The following NEK1 variants were observed in gnomAD, a reference collection of about 807,000 sequenced individuals.
NEK1 encodes the protein serine/threonine-protein kinase Nek1.
NEK1 carries 137 observed loss-of-function variants against 182.1 expected under a neutral mutation model. The ratio of observed to expected loss-of-function variants is 0.75; its 90% CI spans 0.65 to 0.87. The LOEUF (loss-of-function observed/expected upper bound fraction) is 0.87. Ranked by LOEUF, NEK1 falls within the 40% of genes least tolerant of loss-of-function variation. The probability of loss-of-function intolerance (pLI) is 0.00; values close to 1 mark genes in which losing one functional copy is unlikely to be tolerated. For missense variants in NEK1, 1,391 were observed against 1,494.4 expected (o/e 0.93, Z 1.14); for synonymous variants, 513 against 492.2 (o/e 1.04, Z -0.56).
intron 27 of NEK1, among the ~76,000 whole-genome samples, chr4:169,442,465 T>C (rs1471001846): frequency 3.9e-5 from 6 of 151,956 alleles, no homozygotes; most frequent in African/African-American, 1.5e-4. Flanking sequence ...CGAAAGTCAA[T>C]CCGTAAAATC....
intron 18 of NEK1, among the ~76,000 whole-genome samples, chr4:169,548,768 T>C (rs1025720134): frequency 3.3e-5 from 5 of 152,338 alleles, no homozygotes; most frequent in Admixed American, 6.5e-5. Flanking sequence ...GTTTACACCA[T>C]GAGGGTAAAA....
chr4:169,599,086 A>G lies in NEK1; in HGVS notation c.312+14T>C. ...ATAATAGAGTAAGAGTCAATTTCCTAAATGCAAACTTACCTGATCCTCTTG... is the reference window on the plus strand; with the variant it reads ...ATAATAGAGTAAGAGTCAATTTCCTGAATGCAAACTTACCTGATCCTCTTG... On this transcript the variant is annotated intron_variant, in intron 5 of 35. Transcript: ENST00000507142. 3 of 1,603,900 alleles carry G rather than the reference A, an allele frequency of 1.9e-6. No individual in the cohort carries two copies. The highest frequency in any genetic ancestry group is 2.6e-6 in the Non-Finnish European group (3 of 1,172,162).
chr4:169,560,833 A>C (rs1163891719), intron 16 of NEK1, among the ~76,000 whole-genome samples: 1 of 151,974 alleles, frequency 6.6e-6, no homozygotes, highest in African/African-American at 2.4e-5. Flanking sequence ...AAAGTTCAGT[A>C]ATGTGCCCAA....
intron 31 of NEK1, among the ~76,000 whole-genome samples, chr4:169,418,897 A>G (rs1271975239): frequency 6.6e-6 from 1 of 152,158 alleles, no homozygotes; most frequent in African/African-American, 2.4e-5. Flanking sequence ...AAGATCAATG[A>G]ACCCCAAAAC....
chr4:169,541,556 T>C (rs137961235), intron 18 of NEK1, among the ~76,000 whole-genome samples: 161 of 152,240 alleles, frequency 1.1e-3, no homozygotes, highest in African/African-American at 3.8e-3. Flanking sequence ...GAAAGAGTCT[T>C]AGATGCCTAC....
intron 12 of NEK1, among the ~76,000 whole-genome samples, chr4:169,573,623 T>C (rs1053299190): frequency 6.6e-6 from 1 of 151,514 alleles, no homozygotes; most frequent in Non-Finnish European, 1.5e-5. Context: ...GTAAGGAAAA[T>C]AGAAACAAAG....
intron 23 of NEK1, among the ~76,000 whole-genome samples, chr4:169,505,593 G>C (rs1753114808): frequency 6.6e-6 from 1 of 152,226 alleles, no homozygotes; most frequent in African/African-American, 2.4e-5. Context: ...ATTTTTGACT[G>C]TGCAAGGGGC....
At chr4:169,500,542 C>T (rs948163771) in intron 23 of NEK1, among the ~76,000 whole-genome samples, 3 of 152,046 alleles carry the variant, frequency 2.0e-5, no homozygotes, top group African/African-American at 7.2e-5. Context: ...ATCTTGGCTC[C>T]TCCTCCAACA....
chr4:169,555,637 C>T, intron 18 of NEK1, 83 bp downstream of exon 18: 1 of 1,546,484 alleles, frequency 6.5e-7, no homozygotes, highest in East Asian at 2.2e-5. Context: ...GAGAAAACAT[C>T]CACAAAGTGT....
At chr4:169,413,198 C>T (rs1045524186) in intron 31 of NEK1, among the ~76,000 whole-genome samples, 3 of 150,270 alleles carry the variant, frequency 2.0e-5, no homozygotes, top group Non-Finnish European at 4.4e-5. Context: ...GACAGGGTCA[C>T]GCTCTGTCAT....
At chr4:169,471,919 A>G (rs11732280) in intron 26 of NEK1, among the ~76,000 whole-genome samples, 43,906 of 151,970 alleles carry the variant, frequency 0.29, 8,960 homozygotes, top group African/African-American at 0.59. Flanking sequence ...ACTTTCTGTC[A>G]GCTTTGTTTA....
chr4:169,482,006 G>A (rs1405035330), intron 23 of NEK1, among the ~76,000 whole-genome samples: 1 of 152,196 alleles, frequency 6.6e-6, no homozygotes, highest in Non-Finnish European at 1.5e-5. Context: ...TATATCTCCT[G>A]GATAATGTAC....
intron 7 of NEK1, 49 bp downstream of exon 7, chr4:169,589,398 A>C: frequency 3.0e-6 from 3 of 1,010,190 alleles, no homozygotes; most frequent in Non-Finnish European, 4.5e-6. Context: ...CATGGATTGA[A>C]GGTTCGCTGA....
At chr4:169,413,163 T>C (rs567498587) in intron 31 of NEK1, among the ~76,000 whole-genome samples, 178 of 109,116 alleles carry the variant, frequency 1.6e-3, no homozygotes, top group Middle Eastern at 5.5e-3. Flanking sequence ...ATTTAAATAG[T>C]ACAGCTAATT....
chr4:169,572,297 A>G (rs564677193), intron 12 of NEK1, among the ~76,000 whole-genome samples: 1 of 152,216 alleles, frequency 6.6e-6, no homozygotes, highest in Non-Finnish European at 1.5e-5. Context: ...TGAAGTCACA[A>G]TTGACAGGAT....
intron 16 of NEK1, among the ~76,000 whole-genome samples, chr4:169,559,838 C>T (rs1387050140): frequency 1.3e-5 from 2 of 152,002 alleles, no homozygotes; most frequent in Non-Finnish European, 2.9e-5. Context: ...GCAGAAACCC[C>T]GTCTCTACTA....
chr4:169,554,223 G>C (rs1286352518), intron 18 of NEK1: 1 of 152,338 alleles, frequency 6.6e-6, no homozygotes, highest in Non-Finnish European at 1.5e-5. Flanking sequence ...TTCAAGACCA[G>C]CCTGGGCAAC....
chr4:169,490,108 A>C (rs1749779213), intron 23 of NEK1, among the ~76,000 whole-genome samples: 1 of 152,190 alleles, frequency 6.6e-6, no homozygotes. Flanking sequence ...GAGAATCCTA[A>C]TAACCTATGC....
intron 12 of NEK1, among the ~76,000 whole-genome samples, chr4:169,566,403 G>A (rs10520156): frequency 0.17 from 25,961 of 152,084 alleles, 2,847 homozygotes; most frequent in South Asian, 0.31. Context: ...AGAATAATAC[G>A]AAACACAAAA....
Sources: gnomAD v4.1 joint callset for allele counts (sites outside exome capture counted in the v4.1 genomes callset) on GRCh38, gnomAD v4.1.1 for gene constraint, MANE v1.5 for transcripts, NCBI Gene and HGNC (gene_info 2026-07-23, HGNC 2026-07-21) for gene names.